Variants in ADCYAP1 observed in about 807,000 individuals in gnomAD.
The protein encoded by ADCYAP1 is pituitary adenylate cyclase-activating polypeptide.
ADCYAP1 carries 6 observed loss-of-function variants against 18.5 expected under a neutral mutation model. The observed-to-expected ratio is 0.32, with a 90% confidence interval of 0.18 to 0.64. The LOEUF (loss-of-function observed/expected upper bound fraction) is 0.64. Ranked by LOEUF, ADCYAP1 falls within the 30% of genes least tolerant of loss-of-function variation. The pLI is 0.77. For synonymous variants in ADCYAP1, 136 were observed against 113.9 expected (o/e 1.19, Z -1.24); for missense variants, 314 against 253.6 (o/e 1.24, Z -1.62).
At chr18:907,867 C>A (rs1567854249) in intron 3 of ADCYAP1, 77 bp downstream of exon 3, 2 of 1,355,556 alleles carry the variant, frequency 1.5e-6, no homozygotes, top group Admixed American at 4.5e-5. Context: ...AGTGTGGTGA[C>A]CCACCCAGGA....
chr18:905,333 G>A, intron 1 of ADCYAP1, 53 bp from the exon 2 acceptor site: 4 of 1,591,410 alleles, frequency 2.5e-6, no homozygotes, highest in South Asian at 1.1e-5. Flanking sequence ...GTTGGAGGGT[G>A]GGAGGCCAGG....
At chr18:905,582 G>A in intron 2 of ADCYAP1, 86 bp downstream of exon 2, 1 of 1,484,142 alleles carries the variant, frequency 6.7e-7, no homozygotes, top group East Asian at 2.3e-5. Flanking sequence ...GCAGTCCTTT[G>A]GGTCCAGACT....
chr18:908,451 G>T, intron 4 of ADCYAP1, 88 bp downstream of exon 4: 1 of 1,165,972 alleles, frequency 8.6e-7, no homozygotes, highest in South Asian at 1.4e-5. Flanking sequence ...GGTGCCCGTG[G>T]GGGCCAGGGT....
rs1038526383 is a variant in ADCYAP1, at chr18:910,152, T to G, written c.*517T>G. ...CTCCAGGGAGATTTTGAGGTAAAGA[T>G]ATGGAGAATTGCTGAAGGGCATTCT... On this transcript the variant is annotated 3_prime_UTR_variant, in exon 5 of 5. Transcript: ENST00000450565. The G allele has an allele frequency of 6.6e-6, 1 of 152,530 alleles. No homozygotes were observed. Among genetic ancestry groups the G allele is most frequent in the African/African-American group, 2.4e-5 (1 of 41,428 alleles). 9.4% of individuals were successfully genotyped at this position (152,530 alleles called of 1,614,324 possible). A position where few individuals can be genotyped will look rare whatever the true frequency, so the allele number is the denominator to read the frequency against.
At position 909,474 on chromosome 18, in the gene ADCYAP1, G is replaced by A. The variant is rs767662052; in HGVS notation, c.370G>A (p.Asp124Asn). ...GAGCCTCGGCGGCGGCGCGGGGGACGACGCGGAGCCGCTCTCCAAGCGCCA... is the reference window on the plus strand; with the variant it reads ...GAGCCTCGGCGGCGGCGCGGGGGACAACGCGGAGCCGCTCTCCAAGCGCCA... ...GGSLGGGAGDDAEPLSKRHSD... is the reference protein window; with the variant it reads ...GGSLGGGAGDNAEPLSKRHSD... The change falls in exon 5 of 5, where the codon GAC becomes AAC. Residue 124 changes from aspartate (D) to asparagine (N), a missense_variant. By Grantham distance (23) the Asp-to-Asn change is conservative (BLOSUM62 1). Coordinates refer to ENST00000450565, the MANE Select transcript of ADCYAP1 (RefSeq NM_001099733.2). 1 of 1,612,500 alleles carries A rather than the reference G, an allele frequency of 6.2e-7. No individual in the cohort carries two copies. Among genetic ancestry groups the A allele is most frequent in the Non-Finnish European group, 8.5e-7 (1 of 1,179,688 alleles).
chr18:911,678 T>C lies in ADCYAP1; in HGVS notation c.*2043T>C, dbSNP rs765671061. 5 of 152,358 alleles carry C rather than the reference T, an allele frequency of 3.3e-5. No individual in the cohort carries two copies. Among genetic ancestry groups the C allele is most frequent in the Non-Finnish European group, 5.9e-5 (4 of 68,042 alleles). The allele number at this position is 152,358 out of a possible 1,614,324, so 9.4% of individuals were successfully genotyped here. A position where few individuals can be genotyped will look rare whatever the true frequency, so the allele number is the denominator to read the frequency against. On this transcript the variant is annotated 3_prime_UTR_variant, in exon 5 of 5. Coordinates refer to ENST00000450565, the MANE Select transcript of ADCYAP1 (RefSeq NM_001099733.2). Reference sequence around the variant, plus strand: ...TCTCCTCAGGCAATGTGACACGGGATGCAGTTTGCAGCTTTAGTGCCTTTC... The same window carrying C: ...TCTCCTCAGGCAATGTGACACGGGACGCAGTTTGCAGCTTTAGTGCCTTTC...
rs1309333374 is a variant in ADCYAP1 at position 904,919 on chromosome 18, C to T, written c.-143C>T. The T allele has an allele frequency of 7.0e-6, 9 of 1,289,854 alleles. No individual in the cohort carries two copies. Among genetic ancestry groups the T allele is most frequent in the Admixed American group, 2.3e-5 (1 of 43,556 alleles). 79.9% of individuals were successfully genotyped at this position (1,289,854 alleles called of 1,614,324 possible). On this transcript the variant is annotated 5_prime_UTR_variant, in exon 1 of 5. Transcript: ENST00000450565. The stretch of plus-strand genomic sequence containing the variant: ...GTCCCGCAGCTCCTCCTGCTGCTCC[C>T]GCTGGTTCCTGCGGCTTCTGCTCAG...
chr18:911,621 T>G lies in ADCYAP1; in HGVS notation c.*1986T>G, dbSNP rs1056788090. On this transcript the variant is annotated 3_prime_UTR_variant, in exon 5 of 5. Transcript: ENST00000450565. The stretch of plus-strand genomic sequence containing the variant: ...GCATTCGGTCTATGCCTGAGTCCTG[T>G]GTATAGGATCAATCTTCCTTTAATT... 2 of 152,156 alleles carry G rather than the reference T, an allele frequency of 1.3e-5. No homozygotes were observed. Among genetic ancestry groups the G allele is most frequent in the Admixed American group, 6.5e-5 (1 of 15,282 alleles). 9.4% of individuals were successfully genotyped at this position (152,156 alleles called of 1,614,324 possible).
intron 4 of ADCYAP1, among the ~76,000 whole-genome samples, chr18:908,664 G>A (rs1227140253): frequency 1.3e-5 from 2 of 152,176 alleles, no homozygotes; most frequent in Non-Finnish European, 2.9e-5. Flanking sequence ...CTTCCAGGGA[G>A]GTTTTGCTAT....
chr18:907,933 T>A, intron 3 of ADCYAP1, 143 bp downstream of exon 3: 1 of 1,331,546 alleles, frequency 7.5e-7, no homozygotes, highest in Non-Finnish European at 9.7e-7. Flanking sequence ...GGCCCGATCC[T>A]ATTGCAGCGA....
At position 904,896 on chromosome 18, in the gene ADCYAP1, C is replaced by A; in HGVS notation, c.-166C>A. 7.8e-7 allele frequency: 1 copy of A among 1,288,422 alleles called. No individual in the cohort carries two copies. Among genetic ancestry groups the A allele is most frequent in the South Asian group, 1.2e-5 (1 of 80,980 alleles). The allele number at this position is 1,288,422 out of a possible 1,614,324, so 79.8% of individuals were successfully genotyped here. A position where few individuals can be genotyped will look rare whatever the true frequency, so the allele number is the denominator to read the frequency against. On this transcript the variant is annotated 5_prime_UTR_variant, in exon 1 of 5. Coordinates refer to ENST00000450565, the MANE Select transcript of ADCYAP1 (RefSeq NM_001099733.2). Reference sequence around the variant, plus strand: ...AGAACACGAGCCTCGGCAAACGAGTCCCGCAGCTCCTCCTGCTGCTCCCGC... The same window carrying A: ...AGAACACGAGCCTCGGCAAACGAGTACCGCAGCTCCTCCTGCTGCTCCCGC...
At chr18:904,759 C>T (rs1240917338), upstream of ADCYAP1, 5 of 1,263,952 alleles carry the variant, frequency 4.0e-6, no homozygotes, top group Non-Finnish European at 4.1e-6. Flanking sequence ...CACCTTGCTC[C>T]TCCGCGCTTC....
intron 1 of ADCYAP1, 87 bp from the exon 2 acceptor site, chr18:905,299 C>T (rs1322481133): frequency 3.4e-5 from 52 of 1,547,124 alleles, no homozygotes; most frequent in Non-Finnish European, 2.3e-5. Context: ...TCCGTCCCTC[C>T]CCCGGCTTCC....
rs1909403523 is a variant in ADCYAP1, at chr18:911,976, A to G, written c.*2341A>G. ...ACTTTTTAGAAATGCCAAGAGCCTTACTAAACTGAAGCAGATTTATGATAT... is the reference window on the plus strand; with the variant it reads ...ACTTTTTAGAAATGCCAAGAGCCTTGCTAAACTGAAGCAGATTTATGATAT... On this transcript the variant is annotated 3_prime_UTR_variant, in exon 5 of 5. Transcript: ENST00000450565. The G allele has an allele frequency of 6.6e-6, 1 of 152,230 alleles. No individual in the cohort carries two copies. The highest frequency in any genetic ancestry group is 1.9e-4 in the East Asian group (1 of 5,200). 9.4% of individuals were successfully genotyped at this position (152,230 alleles called of 1,614,324 possible). A position where few individuals can be genotyped will look rare whatever the true frequency, so the allele number is the denominator to read the frequency against.
chr18:908,065 C>T lies in ADCYAP1; in HGVS notation c.243-200C>T, dbSNP rs1909245566. On this transcript the variant is annotated intron_variant, in intron 3 of 4. Coordinates refer to ENST00000450565, the MANE Select transcript of ADCYAP1 (RefSeq NM_001099733.2). ...GAACCCACACTCCGCATCTGCCACT[C>T]CTAGAGCCGGGACTAGCTCCCGATC... The T allele has an allele frequency of 2.5e-5, 17 of 681,852 alleles. No homozygotes were observed. The South Asian group carries it at 3.7e-4, about 15-fold the overall frequency. 42.2% of individuals were successfully genotyped at this position (681,852 alleles called of 1,614,324 possible). A position where few individuals can be genotyped will look rare whatever the true frequency, so the allele number is the denominator to read the frequency against.
At chr18:905,189 CAT>C (rs202111515) in intron 1 of ADCYAP1, 129 bp downstream of exon 1, 43 of 1,419,230 alleles carry the variant, frequency 3.0e-5, no homozygotes, top group Non-Finnish European at 3.6e-5. Context: ...CGGGTAGATG[CAT>C]ATATATATAT....
chr18:910,497 A>G lies in ADCYAP1; in HGVS notation c.*862A>G, dbSNP rs1254547577. 6.6e-6 allele frequency: 1 copy of G among 152,192 alleles called. No homozygotes were observed. Among genetic ancestry groups the G allele is most frequent in the Non-Finnish European group, 1.5e-5 (1 of 68,042 alleles). The allele number at this position is 152,192 out of a possible 1,614,324, so 9.4% of individuals were successfully genotyped here. On this transcript the variant is annotated 3_prime_UTR_variant, in exon 5 of 5. Transcript: ENST00000450565. ...CCAGGGAATCTAATATCCCCAAATT[A>G]GGGCAATTGGAACAAAGTGAAGGAC...
intron 3 of ADCYAP1, 130 bp downstream of exon 3, chr18:907,920 C>T: frequency 1.5e-6 from 2 of 1,359,220 alleles, no homozygotes; most frequent in Non-Finnish European, 9.5e-7. Context: ...CTGTCCTCTC[C>T]CTGGCCCGAT....
At chr18:905,138 G>T in intron 1 of ADCYAP1, 78 bp downstream of exon 1, 1 of 1,384,706 alleles carries the variant, frequency 7.2e-7, no homozygotes, top group Non-Finnish European at 9.4e-7. Flanking sequence ...CGTCAGGGGA[G>T]TTAGCTTTCC....
Sources: allele counts gnomAD v4.1 joint callset (sites outside exome capture counted in the v4.1 genomes callset), GRCh38; gene constraint gnomAD v4.1.1; transcripts MANE v1.5; gene names NCBI Gene and HGNC (gene_info 2026-07-23, HGNC 2026-07-21).